GRM4: variants seen among roughly 807,000 people sequenced by gnomAD.
GRM4 encodes the protein glutamate metabotropic receptor 4.
GRM4 carries 28 observed loss-of-function variants against 81.7 expected under a neutral mutation model. The ratio of observed to expected loss-of-function variants is 0.34; its 90% confidence interval spans 0.25 to 0.47. The LOEUF (loss-of-function observed/expected upper bound fraction) is 0.47, where lower values mean the gene tolerates loss of function less well. Among genes scored for constraint, GRM4 ranks in the 20% least tolerant of loss-of-function variants. The pLI, the probability that GRM4 is intolerant of heterozygous loss-of-function variation, is 1.00. For synonymous variants in GRM4, 488 were observed against 528.8 expected (o/e 0.92, Z 1.06); for missense variants, 948 against 1,290.0 (o/e 0.73, Z 4.06).
rs543487216 is a variant in GRM4, at chr6:34,133,682, C to G, written c.-186G>C. On this transcript the variant is annotated 5_prime_UTR_variant, in exon 2 of 11. Transcript: ENST00000538487. The surrounding 1 kb of genome is among the most constrained non-coding windows in gnomAD (Gnocchi z 6.5). ...TGTCACTCGGGCCAAGCACAGTTGC[C>G]CGCACAGTCCAGGCCCACAGACAGC... is the stretch of plus-strand genomic sequence containing the variant. The G allele has an allele frequency of 1.8e-3, 2,483 of 1,408,508 alleles. 2 individuals carry two copies. The highest frequency in any genetic ancestry group is 2.2e-3 in the Non-Finnish European group (2,403 of 1,087,290). 87.3% of individuals were successfully genotyped at this position (1,408,508 alleles called of 1,614,324 possible).
At position 34,078,936 on chromosome 6, in the gene GRM4, T is replaced by A. The variant is rs1375634938; in HGVS notation, c.736+12947A>T. Among the ~76,000 whole-genome samples the A allele has an allele frequency of 6.6e-6, 1 of 152,140 alleles. No individual in the cohort carries two copies. The highest frequency in any genetic ancestry group is 1.5e-5 in the Non-Finnish European group (1 of 68,020). ...AAGTGAGGGAGAGAGGAAAGGACGGTCACAACGGGAGGCTGAGAGAGGCCC... is the reference window on the plus strand; with the variant it reads ...AAGTGAGGGAGAGAGGAAAGGACGGACACAACGGGAGGCTGAGAGAGGCCC... On this transcript the variant is annotated intron_variant, in intron 3 of 10. Coordinates refer to ENST00000538487, the MANE Select transcript of GRM4 (RefSeq NM_000841.4). This position sits in a 1 kb window ranked among gnomAD's most constrained non-coding sequence, Gnocchi z 4.8.
At chr6:34,044,305 CACATATATACACAGACACACAT>C (rs1765186301) in intron 6 of GRM4, among the ~76,000 whole-genome samples, 1 of 150,632 alleles carries the variant, frequency 6.6e-6, no homozygotes. Flanking sequence ...TACATACATA[CACATATATACACAGACACACAT>C]ACACACAGAC....
chr6:34,028,047 G>A, intron 10 of GRM4, 73 bp downstream of exon 10: 1 of 1,486,512 alleles, frequency 6.7e-7, no homozygotes, highest in Non-Finnish European at 9.0e-7. Flanking sequence ...GGGAGGGGCA[G>A]GAGCTCAGCC....
chr6:34,152,647 G>A lies in GRM4; in HGVS notation c.312+2432C>T, dbSNP rs375110158. Among the ~76,000 whole-genome samples, 2 of 152,146 alleles carry A rather than the reference G, an allele frequency of 1.3e-5. No homozygotes were observed. Among genetic ancestry groups the A allele is most frequent in the East Asian group, 1.9e-4 (1 of 5,196 alleles). On this transcript the variant is annotated intron_variant, in intron 1 of 8. Coordinates refer to the GRM4 transcript ENST00000374177. This position sits in a 1 kb window ranked among gnomAD's most constrained non-coding sequence, Gnocchi z 4.1. ...AGTGCTGGGGAAGAAAAGCCCACAC[G>A]CCAGCTCCTACCCTCGTGGGCTGCA...
intron 2 of GRM4, among the ~76,000 whole-genome samples, chr6:34,117,932 C>T (rs1434905064): frequency 6.6e-6 from 1 of 152,132 alleles, no homozygotes; most frequent in African/African-American, 2.4e-5. Context: ...ATGAAAGATG[C>T]GAGGGCCCCT....
chr6:34,056,366 G>A (rs1386771050), intron 6 of GRM4, 178 bp downstream of exon 6: 4 of 537,836 alleles, frequency 7.4e-6, no homozygotes, highest in African/African-American at 3.9e-5. Flanking sequence ...CTGTGGCCCC[G>A]CCCCTCAAGG....
At chr6:34,120,027 G>C (rs1231018385) in intron 2 of GRM4, among the ~76,000 whole-genome samples, 1 of 152,106 alleles carries the variant, frequency 6.6e-6, no homozygotes, top group Non-Finnish European at 1.5e-5. Context: ...CTGGGGTTGG[G>C]GTGTGTCTCT....
Position 34,152,587 on chromosome 6 carries a change from G to A in GRM4, c.312+2492C>T, listed in dbSNP as rs1163948029. On this transcript the variant is annotated intron_variant, in intron 1 of 8. Coordinates refer to the GRM4 transcript ENST00000374177. This position sits in a 1 kb window ranked among gnomAD's most constrained non-coding sequence, Gnocchi z 4.1. ...TTCCTGTACCCACCTCCCAGCAACC[G>A]ACCCATCACCTAGACCCCCCAAAGA... is the stretch of plus-strand genomic sequence containing the variant. Among the ~76,000 whole-genome samples, 4 of 151,926 alleles carry A rather than the reference G, an allele frequency of 2.6e-5. No individual in the cohort carries two copies. The highest frequency in any genetic ancestry group is 6.6e-5 in the Admixed American group (1 of 15,252).
upstream of GRM4, among the ~76,000 whole-genome samples, chr6:34,148,729 GC>G (rs960153921): frequency 1.4e-4 from 21 of 152,320 alleles, no homozygotes; most frequent in Middle Eastern, 6.8e-3. Context: ...ACGTGGGGGA[GC>G]CCCCCAGCCT....
At chr6:34,149,013 A>G (rs567596487), upstream of GRM4, among the ~76,000 whole-genome samples, 3 of 152,282 alleles carry the variant, frequency 2.0e-5, no homozygotes, top group East Asian at 5.8e-4. Context: ...CAGAGTCCTG[A>G]GCCTGTGTTT....
chr6:34,036,400 G>A lies in GRM4; in HGVS notation c.1710C>T (p.Arg570=). 7.4e-6 allele frequency: 12 copies of A among 1,612,334 alleles called. No individual in the cohort carries two copies. The highest frequency in any genetic ancestry group is 1.0e-5 in the Non-Finnish European group (12 of 1,178,716). ...CPYDMRPTEN[R]TGCRPIPIIK... The stretch of plus-strand genomic sequence containing the variant: ...TGATGGGGATGGGCCGGCAGCCCGT[G>A]CGGTTCTCTGTGGGCCGCATGTCAT... Residue 570 remains arginine (R), a synonymous_variant, in exon 9 of 11, where the codon CGC becomes CGT. Coordinates refer to ENST00000538487, the MANE Select transcript of GRM4 (RefSeq NM_000841.4). The surrounding 1 kb of genome is among the most constrained non-coding windows in gnomAD (Gnocchi z 9.0).
chr6:34,100,626 G>T, intron 2 of GRM4, among the ~76,000 whole-genome samples: 1 of 152,240 alleles, frequency 6.6e-6, no homozygotes, highest in Non-Finnish European at 1.5e-5. Context: ...CTGCCTTCAT[G>T]GAGCGGACAT....
At position 34,084,022 on chromosome 6, in the gene GRM4, G is replaced by A. The variant is rs138137715; in HGVS notation, c.736+7861C>T. 4.0e-3 allele frequency among the ~76,000 whole-genome samples: 611 copies of A among 152,342 alleles called. 2 individuals carry two copies. The highest frequency in any genetic ancestry group is 0.02 in the Middle Eastern group (6 of 294). ...CTTCCTTTCCAGCACTCCTCTGAGA[G>A]ACACATTCTAAACAAGTAGTTTTCA... On this transcript the variant is annotated intron_variant, in intron 3 of 10. Coordinates refer to ENST00000538487, the MANE Select transcript of GRM4 (RefSeq NM_000841.4).
chr6:34,050,515 C>T (rs951474450), intron 6 of GRM4, among the ~76,000 whole-genome samples: 4 of 152,206 alleles, frequency 2.6e-5, no homozygotes, highest in Non-Finnish European at 5.9e-5. Context: ...TGACGGGAAG[C>T]CTCCTGAAGC....
At chr6:34,033,029 G>C (rs994278207) in intron 9 of GRM4, among the ~76,000 whole-genome samples, 1 of 152,174 alleles carries the variant, frequency 6.6e-6, no homozygotes, top group Non-Finnish European at 1.5e-5. Context: ...TGGCCTCCCT[G>C]CTGGCTCCAT....
At chr6:34,095,921 G>A (rs1768495059) in intron 2 of GRM4, among the ~76,000 whole-genome samples, 1 of 152,190 alleles carries the variant, frequency 6.6e-6, no homozygotes. Flanking sequence ...GCCCATGTGG[G>A]GCTCTGACGT....
intron 2 of GRM4, among the ~76,000 whole-genome samples, chr6:34,108,378 G>C (rs543451389): frequency 3.9e-5 from 6 of 152,344 alleles, no homozygotes; most frequent in Admixed American, 3.3e-4. Flanking sequence ...CCAGAAACCT[G>C]TTGCAGACAG....
chr6:34,106,620 C>T (rs1254159998), intron 2 of GRM4, among the ~76,000 whole-genome samples: 3 of 152,150 alleles, frequency 2.0e-5, no homozygotes, highest in African/African-American at 7.2e-5. Flanking sequence ...AGGAGCCCAC[C>T]TCAGGGCCTT....
intron 10 of GRM4, chr6:34,024,432 C>G: frequency 3.3e-6 from 1 of 303,066 alleles, no homozygotes; most frequent in South Asian, 3.1e-5. Flanking sequence ...CCACCATGTC[C>G]TATTACGGCA....
Sources: allele counts gnomAD v4.1 joint callset (sites outside exome capture counted in the v4.1 genomes callset), GRCh38; gene constraint gnomAD v4.1.1; non-coding constraint Gnocchi (gnomAD v3.1); transcripts MANE v1.5; gene names NCBI Gene and HGNC (gene_info 2026-07-23, HGNC 2026-07-21).